Variants in TNR observed in about 807,000 individuals in gnomAD.
TNR encodes the protein tenascin R, also known as tenascin-R.
A neutral mutation model predicts 150.4 loss-of-function variants in TNR; 45 were observed. The ratio of observed to expected loss-of-function variants is 0.30; its 90% CI spans 0.24 to 0.38. The LOEUF is 0.38. Ranked by LOEUF, TNR falls within the 10% of genes least tolerant of loss-of-function variation. The pLI, the probability that TNR is intolerant of heterozygous loss-of-function variation, is 1.00. For synonymous variants in TNR, 687 were observed against 678.4 expected, an observed-to-expected ratio of 1.01 and a Z score of -0.20; for missense variants, 1,544 against 1,759.1, an observed-to-expected ratio of 0.88 and a Z score of 2.19.
chr1:175,569,045 C>A (rs1052774669), intron 1 of TNR, among the ~76,000 whole-genome samples: 1 of 151,622 alleles, frequency 6.6e-6, no homozygotes, highest in African/African-American at 2.4e-5. Context: ...CGTGGTTGGC[C>A]GGGAAGGAGA....
In TNR at chr1:175,335,805, T is replaced by C. The variant is rs35332088; in HGVS notation, c.3537A>G (p.Val1179=). Residue 1179 remains valine, a splice_region_variant and synonymous_variant, in exon 20 of 23, where the codon GTA becomes GTG. Transcript: ENST00000367674. ...DMTTDGGGWI[V]FQRRQNGQTD... ...TTTGGCCATTCTGCCGCCTCTGGAA[T>C]ACCTATGAAGGAAATAAAAAAACAA... 2.9e-4 allele frequency: 463 copies of C among 1,613,388 alleles called. No homozygotes were observed. The highest frequency in any genetic ancestry group is 3.0e-4 in the Admixed American group (18 of 59,876).
intron 2 of TNR, among the ~76,000 whole-genome samples, chr1:175,431,922 T>G (rs1052675414): frequency 6.6e-6 from 1 of 151,886 alleles, no homozygotes; most frequent in Non-Finnish European, 1.5e-5. Context: ...TCTCTCTCTC[T>G]CTCTCTCTCT....
intron 1 of TNR, among the ~76,000 whole-genome samples, chr1:175,700,146 TAGA>T (rs1435264345): frequency 2.0e-5 from 3 of 150,598 alleles, no homozygotes; most frequent in African/African-American, 7.3e-5. Context: ...CAAGGAAGGC[TAGA>T]AGGTTTGGCA....
intron 10 of TNR, among the ~76,000 whole-genome samples, chr1:175,366,880 C>T (rs1247086568): frequency 6.6e-6 from 1 of 152,228 alleles, no homozygotes; most frequent in Non-Finnish European, 1.5e-5. Context: ...ATTCTGCCTG[C>T]TGTCGGGGTG....
At position 175,348,074 on chromosome 1, in the gene TNR, T is replaced by C. The variant is rs1411984577; in HGVS notation, c.3382+6317A>G. ...TCAGCAGGATTGCTAGATACTGGATTGATATAAAAAATTAATGGTATTTTT... is the reference window on the plus strand; with the variant it reads ...TCAGCAGGATTGCTAGATACTGGATCGATATAAAAAATTAATGGTATTTTT... On this transcript the variant is annotated intron_variant, in intron 18 of 22. Transcript: ENST00000367674. Among the ~76,000 whole-genome samples, 4 of 152,166 alleles carry C rather than the reference T, an allele frequency of 2.6e-5. 1 individual carries two copies. Among genetic ancestry groups the C allele is most frequent in the Admixed American group, 2.6e-4 (4 of 15,282 alleles).
In TNR at chr1:175,700,047, G is replaced by C. The variant is rs541120195; in HGVS notation, c.-165+43179C>G. On this transcript the variant is annotated intron_variant, in intron 1 of 22. Transcript: ENST00000367674. The stretch of plus-strand genomic sequence containing the variant: ...AGGGAATGGGGAGGGAGTGGGTAAG[G>C]CTGGGACAGCTGCCGGACCACCATG... Among the ~76,000 whole-genome samples the C allele has an allele frequency of 4.9e-4, 74 of 151,878 alleles. 1 individual carries two copies. In the South Asian group the frequency reaches 0.015, roughly 30 times the overall value.
chr1:175,437,627 C>A (rs1389176424), intron 2 of TNR, among the ~76,000 whole-genome samples: 2 of 152,058 alleles, frequency 1.3e-5, no homozygotes, highest in Non-Finnish European at 2.9e-5. Flanking sequence ...TGATAGACCG[C>A]TAGCAAGACT....
intron 9 of TNR, among the ~76,000 whole-genome samples, chr1:175,377,805 C>G (rs74126990): frequency 0.026 from 3,933 of 152,260 alleles, 159 homozygotes; most frequent in African/African-American, 0.089. Flanking sequence ...ATCCAAGACA[C>G]AAATTAAACA....
intron 1 of TNR, among the ~76,000 whole-genome samples, chr1:175,619,961 T>C (rs1428824470): frequency 1.3e-5 from 2 of 152,248 alleles, no homozygotes; most frequent in African/African-American, 4.8e-5. Context: ...CACTGAAACT[T>C]ACCCATCTAT....
intron 2 of TNR, among the ~76,000 whole-genome samples, chr1:175,488,579 T>C (rs972372588): frequency 1.2e-4 from 19 of 152,196 alleles, no homozygotes; most frequent in Non-Finnish European, 1.6e-4. Context: ...GGTGGTAAGT[T>C]GGGCAGATTT....
chr1:175,356,283 C>T (rs749338933), intron 16 of TNR, 36 bp downstream of exon 16: 66 of 1,611,410 alleles, frequency 4.1e-5, no homozygotes, highest in Non-Finnish European at 5.5e-5. Flanking sequence ...ACAAAAGTCC[C>T]CAGGGATACG....
At chr1:175,570,392 A>G (rs1661815945) in intron 1 of TNR, among the ~76,000 whole-genome samples, 1 of 152,198 alleles carries the variant, frequency 6.6e-6, no homozygotes, top group Admixed American at 6.5e-5. Context: ...TGAGGCTAAA[A>G]AAGGCAGCTG....
chr1:175,635,702 G>A (rs965989332), intron 1 of TNR, among the ~76,000 whole-genome samples: 3 of 152,066 alleles, frequency 2.0e-5, no homozygotes, highest in African/African-American at 7.2e-5. Flanking sequence ...CTACACTCCT[G>A]TGTGATGCTA....
Position 175,378,392 on chromosome 1 carries a change from A to G in TNR, c.1963+1160T>C, listed in dbSNP as rs984171892. On this transcript the variant is annotated intron_variant, in intron 9 of 22. Coordinates refer to ENST00000367674, the MANE Select transcript of TNR (RefSeq NM_003285.3). The stretch of plus-strand genomic sequence containing the variant: ...CAAAACCAAATATGGTGCAATGTTC[A>G]CAGAGATTTAGGTGTAGGGTGGAGA... Among the ~76,000 whole-genome samples, 5 of 152,316 alleles carry G rather than the reference A, an allele frequency of 3.3e-5. No individual in the cohort carries two copies. In the East Asian group the frequency reaches 5.8e-4, roughly 18 times the overall value.
At chr1:175,708,014 GTGTT>G (rs1048668981) in intron 1 of TNR, among the ~76,000 whole-genome samples, 22 of 112,778 alleles carry the variant, frequency 2.0e-4, no homozygotes, top group African/African-American at 7.3e-4. Context: ...AGCCATGTGT[GTGTT>G]TGTGTGTGTG....
chr1:175,366,250 T>A, intron 10 of TNR, 112 bp from the exon 11 acceptor site: 2 of 1,141,030 alleles, frequency 1.8e-6, no homozygotes, highest in Non-Finnish European at 2.4e-6. Context: ...CTATGAGCAC[T>A]AGCTTGTCAT....
rs145252356 is a variant in TNR, at chr1:175,696,463, T to C, written c.-165+46763A>G. The stretch of plus-strand genomic sequence containing the variant: ...TGTTCAGATGGTACACTGCAAATAG[T>C]TTTGCCTTAATTGACAAGCCTTGAG... On this transcript the variant is annotated intron_variant, in intron 1 of 22. Transcript: ENST00000367674. 1.5e-3 allele frequency among the ~76,000 whole-genome samples: 235 copies of C among 152,230 alleles called. 4 individuals are homozygous for C. Among genetic ancestry groups the C allele is most frequent in the African/African-American group, 5.4e-3 (225 of 41,536 alleles).
chr1:175,468,020 G>C (rs895400967), intron 2 of TNR, among the ~76,000 whole-genome samples: 2 of 152,198 alleles, frequency 1.3e-5, no homozygotes, highest in Non-Finnish European at 2.9e-5. Flanking sequence ...CGGCAGCAGA[G>C]AAAGCTTATG....
At chr1:175,329,569 G>A (rs192264392) in intron 21 of TNR, among the ~76,000 whole-genome samples, 171 of 152,306 alleles carry the variant, frequency 1.1e-3, no homozygotes, top group African/African-American at 4.0e-3. Flanking sequence ...TGGACAGGGT[G>A]GGGTGTTAGG....
Sources: gnomAD v4.1 joint callset for allele counts (sites outside exome capture counted in the v4.1 genomes callset) on GRCh38, gnomAD v4.1.1 for gene constraint, MANE v1.5 for transcripts, NCBI Gene and HGNC (gene_info 2026-07-23, HGNC 2026-07-21) for gene names.